The following KIAA1549 variants were observed in gnomAD, a reference collection of about 807,000 sequenced individuals.
KIAA1549 encodes the protein KIAA1549, also known as UPF0606 protein KIAA1549.
Under a neutral mutation model 156.4 loss-of-function variants are expected in KIAA1549, and 70 were observed. The observed-to-expected ratio is 0.45, with a 90% CI of 0.37 to 0.55. The LOEUF is 0.55. Among genes scored for constraint, KIAA1549 ranks in the 20% least tolerant of loss-of-function variants. KIAA1549 has a pLI of 0.00. For missense variants in KIAA1549, 2,428 were observed against 2,540.9 expected (o/e 0.96, Z 0.96); for synonymous variants, 1,103 against 1,066.4 (o/e 1.03, Z -0.67).
chr7:138,891,938 T>C (rs565679785), intron 10 of KIAA1549, among the ~76,000 whole-genome samples: 39 of 152,196 alleles, frequency 2.6e-4, no homozygotes, highest in Non-Finnish European at 3.7e-4. Context: ...GAGATCATTT[T>C]CCCATTTTAA....
chr7:138,905,472 G>A (rs1029137820), intron 6 of KIAA1549, among the ~76,000 whole-genome samples: 14 of 152,192 alleles, frequency 9.2e-5, no homozygotes, highest in African/African-American at 2.7e-4. Context: ...AGTGTGCCCC[G>A]CCGTCCGGCA....
intron 1 of KIAA1549, among the ~76,000 whole-genome samples, chr7:138,923,568 C>T (rs1237417893): frequency 6.6e-6 from 1 of 151,602 alleles, no homozygotes; most frequent in Non-Finnish European, 1.5e-5. Flanking sequence ...CCATTGCACT[C>T]CAGCCTGGGC....
chr7:138,888,704 C>G (rs1811467328), intron 10 of KIAA1549, among the ~76,000 whole-genome samples: 1 of 152,166 alleles, frequency 6.6e-6, no homozygotes, highest in South Asian at 2.1e-4. Context: ...AGAGGTAACC[C>G]TCCTGCACAT....
At chr7:138,902,733 T>C (rs4506138) in intron 8 of KIAA1549, among the ~76,000 whole-genome samples, 108,125 of 151,886 alleles carry the variant, frequency 0.71, 38,833 homozygotes, top group East Asian at 0.89. Flanking sequence ...CGCTTGCACC[T>C]GGGAGGCAGA....
intron 18 of KIAA1549, 76 bp downstream of exon 18, chr7:138,844,241 T>G: frequency 6.5e-7 from 1 of 1,547,450 alleles, no homozygotes; most frequent in Non-Finnish European, 8.9e-7. Flanking sequence ...ACTGACACTC[T>G]GAGACACCTA....
At chr7:138,906,517 C>G (rs1313151732) in intron 6 of KIAA1549, among the ~76,000 whole-genome samples, 4 of 152,180 alleles carry the variant, frequency 2.6e-5, no homozygotes, top group Non-Finnish European at 5.9e-5. Context: ...TAAAAAAACT[C>G]AAGTCTTTTA....
intron 17 of KIAA1549, among the ~76,000 whole-genome samples, chr7:138,844,848 C>G (rs1258821672): frequency 6.6e-6 from 1 of 151,998 alleles, no homozygotes; most frequent in Admixed American, 6.5e-5. Flanking sequence ...AACAGAAACA[C>G]TAGGGGCGAG....
At position 138,981,299 on chromosome 7, in the gene KIAA1549, G is replaced by A. The variant is rs2130588068; in HGVS notation, c.-30C>T. 1.1e-6 allele frequency: 1 copy of A among 928,476 alleles called. No homozygotes were observed. The highest frequency in any genetic ancestry group is 1.3e-6 in the Non-Finnish European group (1 of 780,804). The allele number at this position is 928,476 out of a possible 1,614,324, so 57.5% of individuals were successfully genotyped here. A position where few individuals can be genotyped will look rare whatever the true frequency, so the allele number is the denominator to read the frequency against. On this transcript the variant is annotated 5_prime_UTR_variant, in exon 1 of 20. Coordinates refer to ENST00000422774, the MANE Select transcript of KIAA1549 (RefSeq NM_001164665.2). The surrounding 1 kb of genome is among the most constrained non-coding windows in gnomAD (Gnocchi z 4.5). The stretch of plus-strand genomic sequence containing the variant: ...GGCCGGCGCCCCGGCCCGGCCTCGC[G>A]GCTCAGCGGCTCTCGGGTCCGGGAG...
chr7:138,936,733 C>G (rs555247094), intron 1 of KIAA1549, among the ~76,000 whole-genome samples: 50 of 142,782 alleles, frequency 3.5e-4, no homozygotes, highest in South Asian at 7.3e-4. Context: ...TGACCCCCCC[C>G]ACCCCCACAC....
At position 138,834,721 on chromosome 7, in the gene KIAA1549, T is replaced by G. The variant is rs1265279999; in HGVS notation, c.*3185A>C. On this transcript the variant is annotated 3_prime_UTR_variant, in exon 20 of 20. Transcript: ENST00000422774. ...TTCGGTTTTGCTCATTACCCATGTG[T>G]GAACCCATTCACCGCAGTAGTGCAG... The G allele has an allele frequency of 4.3e-6, 1 of 232,628 alleles. No homozygotes were observed. The highest frequency in any genetic ancestry group is 2.2e-5 in the African/African-American group (1 of 45,308). The allele number at this position is 232,628 out of a possible 1,614,324, so 14.4% of individuals were successfully genotyped here.
At position 138,836,508 on chromosome 7, in the gene KIAA1549, A is replaced by G. The variant is rs1039952742; in HGVS notation, c.*1398T>C. The G allele has an allele frequency of 9.3e-6, 2 of 215,228 alleles. No homozygotes were observed. The highest frequency in any genetic ancestry group is 1.9e-5 in the Non-Finnish European group (2 of 106,872). The allele number at this position is 215,228 out of a possible 1,614,324, so 13.3% of individuals were successfully genotyped here. A position where few individuals can be genotyped will look rare whatever the true frequency, so the allele number is the denominator to read the frequency against. ...GATGCATGACTGTCTTCGCTGATCT[A>G]ATAAAAACAGGTTAATAGTGAAAAT... On this transcript the variant is annotated 3_prime_UTR_variant, in exon 20 of 20. Coordinates refer to ENST00000422774, the MANE Select transcript of KIAA1549 (RefSeq NM_001164665.2).
At chr7:138,923,491 T>C (rs1370586377) in intron 1 of KIAA1549, among the ~76,000 whole-genome samples, 1 of 151,888 alleles carries the variant, frequency 6.6e-6, no homozygotes, top group Non-Finnish European at 1.5e-5. Context: ...TTCCAGCCAC[T>C]CCAGAGGCTG....
At chr7:138,946,794 C>G (rs1469814364) in intron 1 of KIAA1549, among the ~76,000 whole-genome samples, 1 of 152,066 alleles carries the variant, frequency 6.6e-6, no homozygotes, top group African/African-American at 2.4e-5. Context: ...TTTTTGGAAT[C>G]CCTGACTCCA....
intron 1 of KIAA1549, among the ~76,000 whole-genome samples, chr7:138,976,169 C>A (rs757606107): frequency 6.6e-6 from 1 of 152,220 alleles, no homozygotes. Flanking sequence ...CTCTGCCTCC[C>A]GGGTTCAAGC....
chr7:138,884,574 G>A (rs1811338373), intron 10 of KIAA1549, among the ~76,000 whole-genome samples: 1 of 152,188 alleles, frequency 6.6e-6, no homozygotes, highest in Non-Finnish European at 1.5e-5. Flanking sequence ...GCAAAGGAGT[G>A]TTAAGTCACA....
intron 10 of KIAA1549, among the ~76,000 whole-genome samples, chr7:138,890,972 C>T (rs576307967): frequency 1.3e-5 from 2 of 152,202 alleles, no homozygotes; most frequent in Non-Finnish European, 2.9e-5. Context: ...TCCGCTCCCC[C>T]ACTGGGCCCG....
intron 1 of KIAA1549, among the ~76,000 whole-genome samples, chr7:138,966,632 T>C (rs1376621603): frequency 6.6e-6 from 1 of 151,922 alleles, no homozygotes; most frequent in East Asian, 1.9e-4. Context: ...ATCCTAGCCA[T>C]GCTGGCAGCT....
At chr7:138,975,812 C>T (rs565765610) in intron 1 of KIAA1549, among the ~76,000 whole-genome samples, 4 of 152,272 alleles carry the variant, frequency 2.6e-5, no homozygotes, top group South Asian at 2.1e-4. Flanking sequence ...ATTATAATGA[C>T]GGTAATTAGC....
chr7:138,887,385 T>C (rs1163337539), intron 10 of KIAA1549, among the ~76,000 whole-genome samples: 1 of 152,212 alleles, frequency 6.6e-6, no homozygotes, highest in African/African-American at 2.4e-5. Context: ...CTGTGACCCA[T>C]GGACTAGCAC....
Sources: gnomAD v4.1 joint callset for allele counts (sites outside exome capture counted in the v4.1 genomes callset) on GRCh38, gnomAD v4.1.1 for gene constraint, Gnocchi (gnomAD v3.1) non-coding constraint, MANE v1.5 for transcripts, NCBI Gene and HGNC (gene_info 2026-07-23, HGNC 2026-07-21) for gene names.